Variants in CHSY3 observed in about 807,000 individuals in gnomAD.
CHSY3 encodes chondroitin sulfate synthase 3.
A neutral mutation model predicts 67.2 loss-of-function variants in CHSY3; 35 were observed. That is an observed-to-expected ratio of 0.52 (90% CI 0.40 to 0.69). CHSY3 has a LOEUF of 0.69. Among genes scored for constraint, CHSY3 ranks in the 30% least tolerant of loss-of-function variants. The pLI is 0.00. For synonymous variants in CHSY3, 474 were observed against 434.7 expected (o/e 1.09, Z -1.12); for missense variants, 1,069 against 1,138.5 (o/e 0.94, Z 0.88).
chr5:130,000,096 A>T (rs1763675898), intron 2 of CHSY3, among the ~76,000 whole-genome samples: 1 of 152,226 alleles, frequency 6.6e-6, no homozygotes, highest in South Asian at 2.1e-4. Context: ...GTATTACCAT[A>T]TTTAAAGAAC....
At chr5:130,041,976 C>T (rs1765017554) in intron 2 of CHSY3, among the ~76,000 whole-genome samples, 1 of 152,080 alleles carries the variant, frequency 6.6e-6, no homozygotes, top group South Asian at 2.1e-4. Flanking sequence ...CAGTGGCTCA[C>T]ACCTGTAATC....
At chr5:129,924,695 G>A (rs532699973) in intron 2 of CHSY3, among the ~76,000 whole-genome samples, 24 of 150,308 alleles carry the variant, frequency 1.6e-4, no homozygotes, top group African/African-American at 5.6e-4. Flanking sequence ...TCTTATGCCA[G>A]TACCTAGATA....
chr5:129,910,528 A>G (rs940320582), intron 2 of CHSY3, among the ~76,000 whole-genome samples: 1 of 152,060 alleles, frequency 6.6e-6, no homozygotes, highest in African/African-American at 2.4e-5. Context: ...CAAAAGTCTT[A>G]TATAGAGAAA....
chr5:129,919,347 C>T (rs2149581833), intron 2 of CHSY3, among the ~76,000 whole-genome samples: 1 of 152,242 alleles, frequency 6.6e-6, no homozygotes, highest in East Asian at 1.9e-4. Flanking sequence ...CTGTTAATAT[C>T]TATAAGATGT....
chr5:130,103,694 C>A (rs1767325098), intron 2 of CHSY3, among the ~76,000 whole-genome samples: 1 of 151,906 alleles, frequency 6.6e-6, no homozygotes, highest in South Asian at 2.1e-4. Context: ...ATTTAAAAAG[C>A]ACATAAACGT....
intron 2 of CHSY3, among the ~76,000 whole-genome samples, chr5:130,041,074 G>T (rs918574334): frequency 6.6e-6 from 1 of 152,104 alleles, no homozygotes; most frequent in Admixed American, 6.6e-5. Flanking sequence ...TTAGCAAGCT[G>T]CTCTAAGTGT....
intron 2 of CHSY3, among the ~76,000 whole-genome samples, chr5:130,143,796 ATATATATATGTGTG>A (rs1768973977): frequency 3.3e-5 from 3 of 92,250 alleles, no homozygotes; most frequent in Admixed American, 1.2e-4. Context: ...ATATATATAT[ATATATATATGTGTG>A]TATATATATA....
intron 2 of CHSY3, among the ~76,000 whole-genome samples, chr5:130,082,404 A>T (rs1431887497): frequency 6.6e-6 from 1 of 152,078 alleles, no homozygotes; most frequent in Non-Finnish European, 1.5e-5. Flanking sequence ...AGCTACTAAT[A>T]TGTTTTGTTC....
chr5:129,927,735 T>C (rs1761164314), intron 2 of CHSY3, among the ~76,000 whole-genome samples: 1 of 152,128 alleles, frequency 6.6e-6, no homozygotes, highest in Admixed American at 6.6e-5. Flanking sequence ...CTTGTATTTT[T>C]TTTAAAGAAA....
intron 2 of CHSY3, among the ~76,000 whole-genome samples, chr5:130,178,253 A>ATATATATATATATATATT (rs1205782386): frequency 1.1e-4 from 5 of 45,900 alleles, no homozygotes; most frequent in Non-Finnish European, 1.8e-4. Flanking sequence ...ATATATATAT[A>ATATATATATATATATATT]TTTTTTTTTT....
At chr5:130,143,341 A>G (rs560938436) in intron 2 of CHSY3, among the ~76,000 whole-genome samples, 2 of 152,116 alleles carry the variant, frequency 1.3e-5, no homozygotes, top group South Asian at 4.1e-4. Flanking sequence ...GCAGACCATG[A>G]GACAAAGGGA....
chr5:130,156,256 T>G (rs1455624317), intron 2 of CHSY3, among the ~76,000 whole-genome samples: 2 of 152,180 alleles, frequency 1.3e-5, no homozygotes, highest in African/African-American at 4.8e-5. Context: ...TGCTTCAAAA[T>G]AGAATGAGAG....
intron 2 of CHSY3, among the ~76,000 whole-genome samples, chr5:130,181,851 C>G (rs1770258871): frequency 6.6e-6 from 1 of 152,060 alleles, no homozygotes; most frequent in Non-Finnish European, 1.5e-5. Context: ...AGTAGTATTT[C>G]AAGTATTTAA....
Position 130,174,695 on chromosome 5 carries a change from T to C in CHSY3, c.1087-9534T>C, listed in dbSNP as rs146362521. Among the ~76,000 whole-genome samples, 1,420 of 152,262 alleles carry C rather than the reference T, an allele frequency of 9.3e-3. 17 individuals carry two copies. Among genetic ancestry groups the C allele is most frequent in the African/African-American group, 0.032 (1,317 of 41,554 alleles). On this transcript the variant is annotated intron_variant, in intron 2 of 2. Coordinates refer to ENST00000305031, the MANE Select transcript of CHSY3 (RefSeq NM_175856.5). Reference sequence around the variant, plus strand: ...TAATAATAACTAAGCAGTTACAATATGCCACATTCTTTTCTACATATTTCA... The same window carrying C: ...TAATAATAACTAAGCAGTTACAATACGCCACATTCTTTTCTACATATTTCA...
At chr5:130,059,527 C>G (rs1418049007) in intron 2 of CHSY3, among the ~76,000 whole-genome samples, 1 of 151,750 alleles carries the variant, frequency 6.6e-6, no homozygotes, top group Non-Finnish European at 1.5e-5. Context: ...AAAACAGGAT[C>G]CAACTTGCAT....
rs896228846 is a variant in CHSY3, at chr5:130,087,169, C to G, written c.1087-97060C>G. ...AAAGCCTTTGACAAAATTCAACAAC[C>G]CTTCATGCTAAAAACTCTCAATAAA... On this transcript the variant is annotated intron_variant, in intron 2 of 2. Transcript: ENST00000305031. 3.0e-4 allele frequency among the ~76,000 whole-genome samples: 45 copies of G among 151,772 alleles called. 1 individual carries two copies. Among genetic ancestry groups the G allele is most frequent in the African/African-American group, 2.9e-4 (12 of 41,464 alleles).
intron 2 of CHSY3, among the ~76,000 whole-genome samples, chr5:130,159,653 C>A (rs895678153): frequency 2.0e-5 from 3 of 151,960 alleles, no homozygotes; most frequent in African/African-American, 7.3e-5. Context: ...GTTGCATTTT[C>A]TCTGTAATAT....
chr5:129,935,081 A>T (rs1337094940), intron 2 of CHSY3, among the ~76,000 whole-genome samples: 1 of 152,216 alleles, frequency 6.6e-6, no homozygotes, highest in Non-Finnish European at 1.5e-5. Context: ...CCTTAGTTAC[A>T]TCATGTTTTC....
At chr5:130,133,447 G>T (rs970148519) in intron 2 of CHSY3, among the ~76,000 whole-genome samples, 1 of 151,966 alleles carries the variant, frequency 6.6e-6, no homozygotes, top group African/African-American at 2.4e-5. Context: ...CTAAAAGCTG[G>T]TTTTCAAAAG....
Sources: allele counts gnomAD v4.1 joint callset (sites outside exome capture counted in the v4.1 genomes callset), GRCh38; gene constraint gnomAD v4.1.1; transcripts MANE v1.5; gene names NCBI Gene and HGNC (gene_info 2026-07-23, HGNC 2026-07-21).